The following GPC5 variants were observed in gnomAD, a reference collection of about 807,000 sequenced individuals.
GPC5 encodes glypican-5.
GPC5 carries 47 observed loss-of-function variants against 53.9 expected under a neutral mutation model. The observed-to-expected ratio is 0.87, with a 90% CI of 0.69 to 1.11. The LOEUF (loss-of-function observed/expected upper bound fraction) is 1.11. GPC5 is among the 50% of genes most tolerant of loss of function. The pLI is 0.00. For synonymous variants in GPC5, 286 were observed against 263.3 expected, an observed-to-expected ratio of 1.09 and a Z score of -0.84; for missense variants, 748 against 713.1, an observed-to-expected ratio of 1.05 and a Z score of -0.56.
chr13:91,694,667 C>T (rs2035841557), intron 3 of GPC5, among the ~76,000 whole-genome samples: 1 of 152,208 alleles, frequency 6.6e-6, no homozygotes, highest in African/African-American at 2.4e-5. Flanking sequence ...GATGGTTCTA[C>T]TAAACATATT....
At chr13:91,427,380 G>A (rs1452495613) in intron 1 of GPC5, among the ~76,000 whole-genome samples, 1 of 152,198 alleles carries the variant, frequency 6.6e-6, no homozygotes, top group Non-Finnish European at 1.5e-5. Flanking sequence ...TCTTGCATCA[G>A]TGTGACCTTG....
At chr13:91,705,874 CT>C (rs1009955990) in intron 3 of GPC5, among the ~76,000 whole-genome samples, 1 of 142,950 alleles carries the variant, frequency 7.0e-6, no homozygotes, top group African/African-American at 2.7e-5. Context: ...CTTTTTTTTT[CT>C]TTCTTTTCTT....
At chr13:92,403,506 G>A (rs1327281910) in intron 7 of GPC5, among the ~76,000 whole-genome samples, 6 of 152,144 alleles carry the variant, frequency 3.9e-5, no homozygotes, top group East Asian at 1.9e-4. Flanking sequence ...TGTGAGCTGC[G>A]CATGTGAGGG....
intron 7 of GPC5, among the ~76,000 whole-genome samples, chr13:92,302,247 G>A (rs1458381533): frequency 6.6e-6 from 1 of 151,676 alleles, no homozygotes; most frequent in African/African-American, 2.4e-5. Context: ...TCTCTATTAT[G>A]TTGTTTGAGG....
At chr13:91,662,976 G>C (rs556633434) in intron 2 of GPC5, among the ~76,000 whole-genome samples, 5 of 152,334 alleles carry the variant, frequency 3.3e-5, no homozygotes, top group African/African-American at 9.6e-5. Context: ...ACTGGAACTA[G>C]ATTTTGTGTA....
intron 7 of GPC5, among the ~76,000 whole-genome samples, chr13:92,363,363 T>C (rs1016204529): frequency 1.3e-5 from 2 of 151,570 alleles, no homozygotes; most frequent in African/African-American, 2.4e-5. Context: ...ACCGGTTTTG[T>C]GGAAGACAAA....
intron 7 of GPC5, among the ~76,000 whole-genome samples, chr13:92,503,809 A>C (rs1880273456): frequency 6.6e-6 from 1 of 152,088 alleles, no homozygotes; most frequent in African/African-American, 2.4e-5. Context: ...TCACCAAAGC[A>C]CAACCAAGAT....
intron 2 of GPC5, among the ~76,000 whole-genome samples, chr13:91,462,477 T>G (rs1881994620): frequency 6.6e-6 from 1 of 152,154 alleles, no homozygotes; most frequent in South Asian, 2.1e-4. Context: ...TGAATTACTG[T>G]GAAGGGCAAT....
chr13:92,293,432 T>C (rs1008307045), intron 7 of GPC5, among the ~76,000 whole-genome samples: 4 of 145,502 alleles, frequency 2.7e-5, no homozygotes, highest in Admixed American at 1.4e-4. Flanking sequence ...CTTTTTTTTT[T>C]TTTTTTTTTT....
chr13:92,708,857 C>CTTTTTTTTTTTTTTTTTTTT lies in GPC5; in HGVS notation c.1562-157401_1562-157382dup, dbSNP rs752130758. On this transcript the variant is annotated intron_variant, in intron 7 of 7. Transcript: ENST00000377067. ...CTAGCAGCATCTAGCTGGAAACCGC[C>CTTTTTTTTTTTTTTTTTTTT]TTTTTTTTTTTTTTTTTTTTTTTTT... 6.2e-4 allele frequency among the ~76,000 whole-genome samples: 30 copies of CTTTTTTTTTTTTTTTTTTTT among 48,184 alleles called. 10 individuals carry two copies. The highest frequency in any genetic ancestry group is 1.2e-3 in the Non-Finnish European group (28 of 24,284). 31.6% of individuals were successfully genotyped at this position (48,184 alleles called of 152,430 possible).
chr13:91,996,976 G>T (rs569292537), intron 6 of GPC5, among the ~76,000 whole-genome samples: 2 of 151,868 alleles, frequency 1.3e-5, no homozygotes, highest in East Asian at 3.9e-4. Context: ...AAACATTATT[G>T]TAAGTATCTT....
chr13:92,527,178 GAAAGAAGA>G (rs1881347019), intron 7 of GPC5, among the ~76,000 whole-genome samples: 1 of 63,014 alleles, frequency 1.6e-5, no homozygotes, highest in Non-Finnish European at 3.4e-5. Flanking sequence ...GAAAGAGAAA[GAAAGAAGA>G]AAGAAAGAAA....
At chr13:92,235,698 T>A (rs937570173) in intron 7 of GPC5, among the ~76,000 whole-genome samples, 1 of 152,138 alleles carries the variant, frequency 6.6e-6, no homozygotes, top group Non-Finnish European at 1.5e-5. Flanking sequence ...AGTCTCCAAC[T>A]CAAACTCAAT....
intron 2 of GPC5, among the ~76,000 whole-genome samples, chr13:91,626,824 C>A (rs2034015887): frequency 6.6e-6 from 1 of 151,974 alleles, no homozygotes. Context: ...CCCCATTCCC[C>A]CAACCCCACA....
chr13:92,078,029 A>G (rs889500689), intron 6 of GPC5, among the ~76,000 whole-genome samples: 1 of 152,218 alleles, frequency 6.6e-6, no homozygotes, highest in African/African-American at 2.4e-5. Flanking sequence ...GTAGCTACAT[A>G]GATACATAGA....
At chr13:92,088,314 G>A (rs2041351974) in intron 6 of GPC5, among the ~76,000 whole-genome samples, 2 of 152,036 alleles carry the variant, frequency 1.3e-5, no homozygotes, top group African/African-American at 4.8e-5. Flanking sequence ...CTGGAGATGG[G>A]GATCTATACT....
intron 7 of GPC5, among the ~76,000 whole-genome samples, chr13:92,568,252 T>C (rs1474398710): frequency 6.6e-6 from 1 of 152,172 alleles, no homozygotes; most frequent in Non-Finnish European, 1.5e-5. Flanking sequence ...GGAAAAACAG[T>C]GTGTTAACCA....
intron 6 of GPC5, among the ~76,000 whole-genome samples, chr13:92,106,802 G>T (rs1401862856): frequency 6.6e-6 from 1 of 151,990 alleles, no homozygotes; most frequent in Non-Finnish European, 1.5e-5. Flanking sequence ...CTCCAACTCT[G>T]AAGATAAAAA....
intron 7 of GPC5, among the ~76,000 whole-genome samples, chr13:92,457,693 A>C (rs1878324769): frequency 6.6e-6 from 1 of 151,882 alleles, no homozygotes; most frequent in African/African-American, 2.4e-5. Flanking sequence ...TATTTTCCTT[A>C]AGCTTTATAT....
Sources: gnomAD v4.1 joint callset for allele counts (sites outside exome capture counted in the v4.1 genomes callset) on GRCh38, gnomAD v4.1.1 for gene constraint, MANE v1.5 for transcripts, NCBI Gene and HGNC (gene_info 2026-07-23, HGNC 2026-07-21) for gene names.